The following RNF150 variants were observed in gnomAD, a reference collection of about 807,000 sequenced individuals.
RNF150 encodes ring finger protein 150.
RNF150 carries 24 observed loss-of-function variants against 39.3 expected under a neutral mutation model. The observed-to-expected ratio is 0.61, with a 90% CI of 0.44 to 0.86. The LOEUF is 0.86. RNF150 is among the 40% of genes least tolerant of loss of function. The pLI is 0.00. For synonymous variants in RNF150, 255 were observed against 227.3 expected (o/e 1.12, Z -1.10); for missense variants, 502 against 587.8 (o/e 0.85, Z 1.51).
chr4:140,994,814 C>T (rs531006621), intron 1 of RNF150, among the ~76,000 whole-genome samples: 2 of 152,060 alleles, frequency 1.3e-5, no homozygotes, highest in Non-Finnish European at 2.9e-5. Context: ...AGTTTATGTT[C>T]AATCTATAAG....
At chr4:140,905,554 A>G in intron 6 of RNF150, among the ~76,000 whole-genome samples, 1 of 152,178 alleles carries the variant, frequency 6.6e-6, no homozygotes, top group Non-Finnish European at 1.5e-5. Flanking sequence ...AAGAAGGGGA[A>G]GAAGATGGGG....
rs191498936 is a variant in RNF150, at chr4:141,188,067, G to T, written c.-6+24727C>A. ...GTGGTGACAAAATCCCTCAGCATTT[G>T]CTTGTCTGGAAAGGATTGTGTTTCT... On this transcript the variant is annotated intron_variant, in intron 1 of 7. Transcript: ENST00000420921. Among the ~76,000 whole-genome samples, 4 of 152,258 alleles carry T rather than the reference G, an allele frequency of 2.6e-5. No individual in the cohort carries two copies. The East Asian group carries it at 7.7e-4, about 29-fold the overall frequency.
At chr4:140,878,627 T>C (rs1258974826) in intron 6 of RNF150, among the ~76,000 whole-genome samples, 1 of 152,230 alleles carries the variant, frequency 6.6e-6, no homozygotes, top group Non-Finnish European at 1.5e-5. Context: ...ATTTGAGTTG[T>C]AGGAGTTCTT....
At chr4:141,070,708 C>G (rs28868326) in intron 1 of RNF150, among the ~76,000 whole-genome samples, 1 of 101,014 alleles carries the variant, frequency 9.9e-6, no homozygotes, top group Non-Finnish European at 2.5e-5. Flanking sequence ...GCTAGAATGG[C>G]AATCATTAAA....
intron 1 of RNF150, among the ~76,000 whole-genome samples, chr4:141,057,788 A>T (rs1438972090): frequency 6.6e-6 from 1 of 152,116 alleles, no homozygotes; most frequent in Non-Finnish European, 1.5e-5. Flanking sequence ...CAAGAGACCA[A>T]CACCCTACTG....
chr4:141,141,961 T>C (rs1026774422), intron 1 of RNF150, among the ~76,000 whole-genome samples: 1 of 152,206 alleles, frequency 6.6e-6, no homozygotes, highest in African/African-American at 2.4e-5. Flanking sequence ...ATTATTTTTA[T>C]ATTAGCCAAG....
At chr4:141,010,463 T>G (rs73858476) in intron 1 of RNF150, among the ~76,000 whole-genome samples, 11,550 of 152,256 alleles carry the variant, frequency 0.076, 496 homozygotes, top group Middle Eastern at 0.16. Context: ...CACTTTGCAG[T>G]CCTCCAGGCA....
intron 2 of RNF150, among the ~76,000 whole-genome samples, chr4:140,959,590 A>T (rs916277385): frequency 3.3e-5 from 5 of 152,134 alleles, no homozygotes; most frequent in Admixed American, 6.6e-5. Context: ...AGAAAAAATG[A>T]TAGGGCTACC....
chr4:141,146,972 TTGTTTA>T (rs1727215535), intron 1 of RNF150, among the ~76,000 whole-genome samples: 1 of 152,206 alleles, frequency 6.6e-6, no homozygotes, highest in Non-Finnish European at 1.5e-5. Flanking sequence ...GCTTTTGTTT[TTGTTTA>T]TGAGACAGTG....
At chr4:140,937,023 C>T (rs1388561527) in intron 4 of RNF150, among the ~76,000 whole-genome samples, 11 of 152,104 alleles carry the variant, frequency 7.2e-5, no homozygotes, top group Non-Finnish European at 1.5e-5. Context: ...TACCACCTTT[C>T]AGGAAAGCAA....
chr4:141,179,877 C>T (rs1236233305), intron 1 of RNF150, among the ~76,000 whole-genome samples: 3 of 152,188 alleles, frequency 2.0e-5, no homozygotes, highest in Admixed American at 2.0e-4. Context: ...GGGCTTCACA[C>T]CGCAGATGCA....
At chr4:140,901,363 G>A (rs746779649) in intron 6 of RNF150, among the ~76,000 whole-genome samples, 54 of 152,194 alleles carry the variant, frequency 3.5e-4, no homozygotes, top group Non-Finnish European at 6.3e-4. Flanking sequence ...CTTGTGATGG[G>A]GGACCAATTT....
intron 1 of RNF150, among the ~76,000 whole-genome samples, chr4:141,197,742 G>C: frequency 6.6e-6 from 1 of 151,864 alleles, no homozygotes; most frequent in South Asian, 2.1e-4. Context: ...GCCATGTATG[G>C]TGGTGGGTAC....
intron 1 of RNF150, among the ~76,000 whole-genome samples, chr4:141,151,375 A>G (rs1450704678): frequency 6.6e-6 from 1 of 151,134 alleles, no homozygotes; most frequent in Non-Finnish European, 1.5e-5. Context: ...GTTTGAGACC[A>G]GCCTGGGCAA....
chr4:140,881,725 A>C (rs1402356329), intron 6 of RNF150, among the ~76,000 whole-genome samples: 1 of 152,006 alleles, frequency 6.6e-6, no homozygotes, highest in African/African-American at 2.4e-5. Context: ...AAACCAAACA[A>C]AGCAAAAGAG....
At position 141,132,331 on chromosome 4, in the gene RNF150, G is replaced by T; in HGVS notation, c.478C>A (p.His160Asn). 6.3e-7 allele frequency: 1 copy of T among 1,577,534 alleles called. No individual in the cohort carries two copies. Reference sequence around the variant, plus strand: ...CGCCCGCTGGGCCACTCACCCGCGTGGGGCATGGTGATGGTCTCGTTGGTG... The same window carrying T: ...CGCCCGCTGGGCCACTCACCCGCGTTGGGCATGGTGATGGTCTCGTTGGTG... ...SNTNETITMP[H>N]AGVEDIVAIM... Residue 160 changes from histidine (H) to asparagine (N), a missense_variant, in exon 1 of 7, where the codon CAC (histidine) becomes AAC (asparagine). Physicochemically the swap from His to Asn is moderately conservative, Grantham distance 68. Coordinates refer to ENST00000515673, the MANE Select transcript of RNF150 (RefSeq NM_020724.2). The surrounding 1 kb of genome is among the most constrained non-coding windows in gnomAD (Gnocchi z 4.9).
intron 5 of RNF150, among the ~76,000 whole-genome samples, chr4:140,913,361 A>G (rs1366565739): frequency 1.3e-5 from 2 of 152,228 alleles, no homozygotes; most frequent in African/African-American, 4.8e-5. Flanking sequence ...CAGATGCTCA[A>G]GAGCCTGGCC....
chr4:141,194,088 C>A (rs538543368), intron 1 of RNF150, among the ~76,000 whole-genome samples: 1 of 152,254 alleles, frequency 6.6e-6, no homozygotes, highest in East Asian at 1.9e-4. Context: ...TTGTATACGA[C>A]AAACTATACA....
At chr4:141,170,719 GGAAATGACCACA>G (rs1160626276) in intron 1 of RNF150, among the ~76,000 whole-genome samples, 3 of 152,054 alleles carry the variant, frequency 2.0e-5, no homozygotes, top group African/African-American at 7.2e-5. Context: ...ATCTCATTTT[GGAAATGACCACA>G]GAAATGACCA....
Sources: gnomAD v4.1 joint callset for allele counts (sites outside exome capture counted in the v4.1 genomes callset) on GRCh38, gnomAD v4.1.1 for gene constraint, Gnocchi (gnomAD v3.1) non-coding constraint, MANE v1.5 for transcripts, NCBI Gene and HGNC (gene_info 2026-07-23, HGNC 2026-07-21) for gene names.